FOXP1: variants seen among roughly 807,000 people sequenced by gnomAD.
The protein encoded by FOXP1 is forkhead box P1.
In FOXP1, 15 loss-of-function variants were observed where a neutral mutation model predicts 98.2. That is an observed-to-expected ratio of 0.15 (90% CI 0.10 to 0.24). FOXP1 has a LOEUF of 0.24. Ranked by LOEUF, FOXP1 falls within the 10% of genes least tolerant of loss-of-function variation. The pLI is 1.00. For missense variants in FOXP1, 633 were observed against 848.5 expected (o/e 0.75, Z 3.15); for synonymous variants, 371 against 314.5 (o/e 1.18, Z -1.90).
chr3:71,435,174 G>C (rs1170099179), intron 3 of FOXP1, among the ~76,000 whole-genome samples: 1 of 140,136 alleles, frequency 7.1e-6, no homozygotes, highest in Non-Finnish European at 1.5e-5. Context: ...GAGGGAAAGG[G>C]GACGGTAGAA....
intron 3 of FOXP1, among the ~76,000 whole-genome samples, chr3:71,384,370 T>C (rs2080412325): frequency 6.6e-6 from 1 of 152,184 alleles, no homozygotes; most frequent in South Asian, 2.1e-4. Flanking sequence ...AGCTAATTTC[T>C]AACTCTGAGA....
chr3:71,507,866 A>G (rs565783085), intron 2 of FOXP1, among the ~76,000 whole-genome samples: 27 of 152,230 alleles, frequency 1.8e-4, no homozygotes, highest in Admixed American at 2.0e-4. Context: ...CATGAGCCAC[A>G]ATACCCAGCC....
At chr3:71,253,400 G>A (rs370260659) in intron 5 of FOXP1, among the ~76,000 whole-genome samples, 6 of 53,900 alleles carry the variant, frequency 1.1e-4, no homozygotes, top group Non-Finnish European at 2.8e-4. Context: ...AATAATAGAC[G>A]TGTTTAACTT....
chr3:71,550,207 C>T (rs2107665271), intron 2 of FOXP1, among the ~76,000 whole-genome samples: 1 of 152,310 alleles, frequency 6.6e-6, no homozygotes, highest in East Asian at 1.9e-4. Flanking sequence ...ACTTAGCTCT[C>T]TCATCTCCAT....
intron 5 of FOXP1, among the ~76,000 whole-genome samples, chr3:71,268,854 G>A (rs2070022505): frequency 6.6e-6 from 1 of 152,198 alleles, no homozygotes; most frequent in South Asian, 2.1e-4. Flanking sequence ...GAGATATTAA[G>A]AGAGAGCTTC....
intron 7 of FOXP1, among the ~76,000 whole-genome samples, chr3:71,079,517 T>A (rs1043953858): frequency 1.3e-5 from 2 of 152,220 alleles, no homozygotes; most frequent in Admixed American, 1.3e-4. Context: ...ATTTCTATTA[T>A]CTCTAAATTT....
chr3:71,285,823 G>A (rs923553447), intron 5 of FOXP1, among the ~76,000 whole-genome samples: 1 of 152,088 alleles, frequency 6.6e-6, no homozygotes, highest in Non-Finnish European at 1.5e-5. Flanking sequence ...AGTGGCCTGG[G>A]GTCTGTCATT....
intron 14 of FOXP1, among the ~76,000 whole-genome samples, chr3:70,987,651 C>G (rs572644217): frequency 1.3e-5 from 2 of 152,216 alleles, no homozygotes; most frequent in Non-Finnish European, 2.9e-5. Context: ...TAGCTGTCTT[C>G]TCTGCGTTCC....
At chr3:71,582,099 T>G (rs2107901149) in intron 1 of FOXP1, 2 of 946,942 alleles carry the variant, frequency 2.1e-6, no homozygotes, top group Middle Eastern at 5.3e-4. Flanking sequence ...AGGCAGCGAT[T>G]TCGAAGCAAA....
intron 7 of FOXP1, among the ~76,000 whole-genome samples, chr3:71,080,045 G>C (rs1301251887): frequency 6.6e-6 from 1 of 152,218 alleles, no homozygotes. Flanking sequence ...ATCAGGTCTT[G>C]TGCTTCTCTT....
At chr3:71,464,290 C>G (rs955987598) in intron 3 of FOXP1, among the ~76,000 whole-genome samples, 2 of 152,136 alleles carry the variant, frequency 1.3e-5, no homozygotes, top group Non-Finnish European at 2.9e-5. Flanking sequence ...AGAAGGAAAA[C>G]AAGGTAACTG....
chr3:71,557,184 G>A (rs190793799), intron 2 of FOXP1, among the ~76,000 whole-genome samples: 11 of 152,192 alleles, frequency 7.2e-5, no homozygotes, highest in South Asian at 2.1e-4. Context: ...TAAAAGTTGG[G>A]TATATCATAC....
At chr3:71,515,409 T>TC (rs2042492769) in intron 2 of FOXP1, among the ~76,000 whole-genome samples, 1 of 111,986 alleles carries the variant, frequency 8.9e-6, no homozygotes, top group Non-Finnish European at 1.7e-5. Context: ...TATACGCATT[T>TC]CCCTTTGATC....
intron 4 of FOXP1, among the ~76,000 whole-genome samples, chr3:71,345,660 T>G (rs550314708): frequency 6.6e-6 from 1 of 151,046 alleles, no homozygotes; most frequent in Non-Finnish European, 1.5e-5. Flanking sequence ...CCACCCAGAG[T>G]TCTCCATTCC....
intron 5 of FOXP1, among the ~76,000 whole-genome samples, chr3:71,293,640 G>A (rs1056228292): frequency 6.6e-6 from 1 of 151,906 alleles, no homozygotes; most frequent in African/African-American, 2.4e-5. Context: ...GCTTGAAAAC[G>A]AACTCTATTG....
At chr3:71,177,195 T>C (rs935660620) in intron 6 of FOXP1, among the ~76,000 whole-genome samples, 1 of 152,204 alleles carries the variant, frequency 6.6e-6, no homozygotes, top group Non-Finnish European at 1.5e-5. Flanking sequence ...AAGGACACAC[T>C]GCAACAGGTG....
At position 71,052,555 on chromosome 3, in the gene FOXP1, A is replaced by C; in HGVS notation, c.492T>G (p.Ala164=). The change falls in exon 9 of 21, where the codon GCT becomes GCG. Residue 164 remains alanine (A), a synonymous_variant. Transcript: ENST00000649528. ...LQLQLLQQQH[A]GKQPKEQQQV... ...TCGGTACCTCTTTAGGCTGTTTTCC[A>C]GCATGTTGTTGTTGTAAAAGTTGAA... The C allele has an allele frequency of 7.3e-7, 1 of 1,364,438 alleles. No homozygotes were observed. Among genetic ancestry groups the C allele is most frequent in the Non-Finnish European group, 1.1e-6 (1 of 951,836 alleles). 84.5% of individuals were successfully genotyped at this position (1,364,438 alleles called of 1,614,324 possible). A position where few individuals can be genotyped will look rare whatever the true frequency, so the allele number is the denominator to read the frequency against.
rs1392428164 is a variant in FOXP1, at chr3:71,296,353, T to A, written c.-12+3467A>T. 6 of 152,228 alleles carry A rather than the reference T, an allele frequency of 3.9e-5. No homozygotes were observed. The South Asian group carries it at 6.2e-4, about 16-fold the overall frequency. The allele number at this position is 152,228 out of a possible 1,614,324, so 9.4% of individuals were successfully genotyped here. A position where few individuals can be genotyped will look rare whatever the true frequency, so the allele number is the denominator to read the frequency against. On this transcript the variant is annotated intron_variant, in intron 5 of 20. Transcript: ENST00000649528. ...TGGATGGCAAGGTCTTCTCCTCATTTAAGGCTTATTCATCAGGAAGAAACG... is the reference window on the plus strand; with the variant it reads ...TGGATGGCAAGGTCTTCTCCTCATTAAAGGCTTATTCATCAGGAAGAAACG...
chr3:70,979,014 C>A (rs1269460442), intron 14 of FOXP1, among the ~76,000 whole-genome samples: 2 of 151,832 alleles, frequency 1.3e-5, no homozygotes, highest in Non-Finnish European at 2.9e-5. Flanking sequence ...CACCTGTAAT[C>A]CCAGCACCTT....
Sources: allele counts gnomAD v4.1 joint callset (sites outside exome capture counted in the v4.1 genomes callset), GRCh38; gene constraint gnomAD v4.1.1; transcripts MANE v1.5; gene names NCBI Gene and HGNC (gene_info 2026-07-23, HGNC 2026-07-21).